Variants in MSTO1 observed in about 807,000 individuals in gnomAD.
MSTO1 encodes the protein protein misato homolog 1.
Under a neutral mutation model 55.7 loss-of-function variants are expected in MSTO1, and 24 were observed. That is an observed-to-expected ratio of 0.43 (90% CI 0.31 to 0.61). MSTO1 has a LOEUF of 0.61. Among genes scored for constraint, MSTO1 ranks in the 20% least tolerant of loss-of-function variants. The pLI is 0.09. For synonymous variants in MSTO1, 162 were observed against 252.8 expected, an observed-to-expected ratio of 0.64 and a Z score of 3.41; for missense variants, 363 against 625.7, an observed-to-expected ratio of 0.58 and a Z score of 4.48.
the MSTO1 span, among the ~76,000 whole-genome samples, chr1:155,585,367 C>CA: frequency 8.3e-3 from 1,262 of 152,016 alleles, 11 homozygotes; most frequent in Non-Finnish European, 0.013. Flanking sequence ...ACTAAAAATA[C>CA]AAAAAATTAG....
chr1:155,564,870 C>G, the MSTO1 span, among the ~76,000 whole-genome samples: 1 of 152,146 alleles, frequency 6.6e-6, no homozygotes, highest in Non-Finnish European at 1.5e-5. Context: ...GCCTGTAATC[C>G]CAGCACTTTG....
At chr1:155,588,358 G>A in the MSTO1 span, among the ~76,000 whole-genome samples, 1 of 151,956 alleles carries the variant, frequency 6.6e-6, no homozygotes, top group Non-Finnish European at 1.5e-5. Context: ...CTATATGGCA[G>A]GTACTCAGAA....
At chr1:155,595,872 A>G in the MSTO1 span, among the ~76,000 whole-genome samples, 2 of 152,162 alleles carry the variant, frequency 1.3e-5, no homozygotes, top group Admixed American at 6.6e-5. Context: ...TTGATTTGTT[A>G]TGAGAAGAGC....
At position 155,614,503 on chromosome 1, in the gene MSTO1, G is replaced by A. The variant is rs1675200983; in HGVS notation, c.*230G>A. 2 of 652,988 alleles carry A rather than the reference G, an allele frequency of 3.1e-6. No individual in the cohort carries two copies. Among genetic ancestry groups the A allele is most frequent in the Non-Finnish European group, 5.4e-6 (2 of 373,012 alleles). 40.4% of individuals were successfully genotyped at this position (652,988 alleles called of 1,614,324 possible). Reference sequence around the variant, plus strand: ...TCCACTCTCGATGCTACTTACAGAGGACATCTGTAAAGTCTTCATAAAAGA... The same window carrying A: ...TCCACTCTCGATGCTACTTACAGAGAACATCTGTAAAGTCTTCATAAAAGA... On this transcript the variant is annotated 3_prime_UTR_variant, in exon 14 of 14. Transcript: ENST00000245564.
At chr1:155,595,288 C>G in the MSTO1 span, among the ~76,000 whole-genome samples, 2 of 150,888 alleles carry the variant, frequency 1.3e-5, no homozygotes, top group African/African-American at 4.9e-5. Flanking sequence ...CTCCATTCTC[C>G]CACCTCAGCC....
At chr1:155,566,854 A>T in the MSTO1 span, among the ~76,000 whole-genome samples, 1 of 151,876 alleles carries the variant, frequency 6.6e-6, no homozygotes. Flanking sequence ...ACCTCAGGTG[A>T]TCCGCCCGTC....
chr1:155,586,224 T>A, the MSTO1 span, among the ~76,000 whole-genome samples: 2 of 143,194 alleles, frequency 1.4e-5, no homozygotes, highest in East Asian at 4.3e-4. Flanking sequence ...TTTTTTTTTG[T>A]TAGAGACAGG....
chr1:155,598,960 C>G, the MSTO1 span: 1 of 1,142,522 alleles, frequency 8.8e-7, no homozygotes, highest in East Asian at 2.5e-5. Context: ...GTTCAGTTAT[C>G]TTGTTACCGT....
the MSTO1 span, among the ~76,000 whole-genome samples, chr1:155,575,647 T>C: frequency 2.0e-5 from 3 of 151,984 alleles, no homozygotes; most frequent in Non-Finnish European, 4.4e-5. Flanking sequence ...TCTCATTATG[T>C]TACCCAGGCT....
At chr1:155,588,796 T>C in the MSTO1 span, among the ~76,000 whole-genome samples, 1 of 152,264 alleles carries the variant, frequency 6.6e-6, no homozygotes, top group Admixed American at 6.5e-5. Context: ...CAGAAAGACT[T>C]GGTCATTTTC....
chr1:155,589,116 A>G, the MSTO1 span, among the ~76,000 whole-genome samples: 1 of 151,968 alleles, frequency 6.6e-6, no homozygotes, highest in Non-Finnish European at 1.5e-5. Flanking sequence ...TGGCCAACAT[A>G]GTGAAACCCC....
At chr1:155,587,392 A>T in the MSTO1 span, among the ~76,000 whole-genome samples, 1 of 136,340 alleles carries the variant, frequency 7.3e-6, no homozygotes, top group South Asian at 2.5e-4. Context: ...GTGAGCCGAA[A>T]TTGTGCTGCT....
chr1:155,614,047 C>T lies in MSTO1; in HGVS notation c.1499-12C>T, dbSNP rs756878499. 13 of 1,577,826 alleles carry T rather than the reference C, an allele frequency of 8.2e-6. No homozygotes were observed. Among genetic ancestry groups the T allele is most frequent in the South Asian group, 2.3e-5 (2 of 85,378 alleles). On this transcript the variant is annotated splice_polypyrimidine_tract_variant and intron_variant, in intron 13 of 13. Coordinates refer to ENST00000245564, the MANE Select transcript of MSTO1 (RefSeq NM_018116.4). The stretch of plus-strand genomic sequence containing the variant: ...ATCCATCTACAGGTCTCTGTTTCCT[C>T]TCCCTCCACAGCAGTGGAGAGCATC...
the MSTO1 span, among the ~76,000 whole-genome samples, chr1:155,589,333 T>C: frequency 0.04 from 6,035 of 151,050 alleles, 400 homozygotes; most frequent in African/African-American, 0.14. Flanking sequence ...TAATAACAGA[T>C]GAGAAAGACC....
chr1:155,595,608 C>T, the MSTO1 span, among the ~76,000 whole-genome samples: 2 of 151,856 alleles, frequency 1.3e-5, no homozygotes, highest in African/African-American at 2.4e-5. Context: ...GTGCTTCAGC[C>T]TCCCAAGTAG....
At chr1:155,588,634 C>G in the MSTO1 span, among the ~76,000 whole-genome samples, 1 of 152,146 alleles carries the variant, frequency 6.6e-6, no homozygotes, top group African/African-American at 2.4e-5. Context: ...TGCTCTATTG[C>G]ATTTTATGGT....
chr1:155,601,219 C>T, the MSTO1 span, among the ~76,000 whole-genome samples: 4 of 151,342 alleles, frequency 2.6e-5, no homozygotes, highest in East Asian at 5.9e-4. Context: ...TTGCAACCTC[C>T]GCCTCCCAGG....
the MSTO1 span, among the ~76,000 whole-genome samples, chr1:155,604,515 A>C: frequency 6.6e-6 from 1 of 152,270 alleles, no homozygotes; most frequent in Admixed American, 6.5e-5. Flanking sequence ...GGAAATGAGA[A>C]AGTAATTCAA....
chr1:155,578,804 C>T, the MSTO1 span, among the ~76,000 whole-genome samples: 2,596 of 150,676 alleles, frequency 0.017, 82 homozygotes, highest in African/African-American at 0.061. Flanking sequence ...GCCACCGCGC[C>T]CGGCCCTGTG....
Sources: gnomAD v4.1 joint callset for allele counts (sites outside exome capture counted in the v4.1 genomes callset) on GRCh38, gnomAD v4.1.1 for gene constraint, MANE v1.5 for transcripts, NCBI Gene and HGNC (gene_info 2026-07-23, HGNC 2026-07-21) for gene names.